SLC48A1: variants seen among roughly 807,000 people sequenced by gnomAD.
SLC48A1 encodes the protein heme transporter HRG1.
Under a neutral mutation model 14.8 loss-of-function variants are expected in SLC48A1, and 6 were observed. That is an observed-to-expected ratio of 0.41 (90% CI 0.22 to 0.80). SLC48A1 has a LOEUF of 0.80. Among genes scored for constraint, SLC48A1 ranks in the 30% least tolerant of loss-of-function variants. SLC48A1 has a pLI of 0.34. For missense variants in SLC48A1, 165 were observed against 204.8 expected (o/e 0.81, Z 1.19); for synonymous variants, 89 against 90.0 (o/e 0.99, Z 0.06).
chr12:47,779,029 G>T lies in SLC48A1; in HGVS notation c.138G>T (p.Gly46=). 6.4e-7 allele frequency: 1 copy of T among 1,551,526 alleles called. No individual in the cohort carries two copies. The highest frequency in any genetic ancestry group is 8.7e-7 in the Non-Finnish European group (1 of 1,146,896). The change falls in exon 2 of 3, where the codon GGG becomes GGT. Residue 46 remains glycine (G), a splice_region_variant and synonymous_variant. Coordinates refer to ENST00000442218, the MANE Select transcript of SLC48A1 (RefSeq NM_017842.3). ...PGTAAMGGLA[G]VLALWVLVTH... ...GGCCCTGATGTGTCTCTCCTGCAGG[G>T]GTGCTGGCACTGTGGGTCCTGGTGA...
upstream of SLC48A1, among the ~76,000 whole-genome samples, chr12:47,754,875 G>C (rs1406952885): frequency 6.6e-6 from 1 of 152,224 alleles, no homozygotes; most frequent in African/African-American, 2.4e-5. Flanking sequence ...CAGGGCGGAA[G>C]AGGAGGCACT....
At chr12:47,779,006 C>A in intron 1 of SLC48A1, 22 bp from the exon 2 acceptor site, 2 of 1,549,838 alleles carry the variant, frequency 1.3e-6, no homozygotes, top group African/African-American at 1.4e-5. Flanking sequence ...TGGGGATGGG[C>A]CCTGATGTGT....
rs547324213 is a variant in SLC48A1 at position 47,775,080 on chromosome 12, G to A, written c.136+1640G>A. 3.3e-5 allele frequency among the ~76,000 whole-genome samples: 5 copies of A among 152,172 alleles called. No homozygotes were observed. In the South Asian group the frequency reaches 6.2e-4, roughly 19 times the overall value. On this transcript the variant is annotated intron_variant, in intron 1 of 2. Transcript: ENST00000442218. The stretch of plus-strand genomic sequence containing the variant: ...AAGTGGAGGTGAACCCTACCTGGCC[G>A]TTTGACCCTATCCTGGGCCACAGTT...
chr12:47,758,183 T>C, upstream of SLC48A1: 1 of 1,459,380 alleles, frequency 6.9e-7, no homozygotes, highest in Non-Finnish European at 9.0e-7. Context: ...TCCTCTGGAC[T>C]GGTCAGGCGG....
intron 1 of SLC48A1, among the ~76,000 whole-genome samples, chr12:47,775,893 G>A (rs543613216): frequency 6.6e-6 from 1 of 152,322 alleles, no homozygotes; most frequent in South Asian, 2.1e-4. Context: ...GGCTTTCCTG[G>A]GGAGGCGGGC....
At chr12:47,779,941 C>G (rs993546114) in intron 2 of SLC48A1, among the ~76,000 whole-genome samples, 1 of 152,234 alleles carries the variant, frequency 6.6e-6, no homozygotes, top group Non-Finnish European at 1.5e-5. Context: ...GAAAAATTGT[C>G]TTCCACAAAA....
In SLC48A1 at chr12:47,765,332, C is replaced by A. The variant is rs1942494175; in HGVS notation, c.-187+4931C>A. 3.9e-5 allele frequency among the ~76,000 whole-genome samples: 6 copies of A among 152,294 alleles called. No individual in the cohort carries two copies. The South Asian group carries it at 1.2e-3, about 32-fold the overall frequency. On this transcript the variant is annotated intron_variant, in intron 2 of 4. Transcript: ENST00000547002. Reference sequence around the variant, plus strand: ...TCTGCCTGAGAGAGGGCACAGGCCCCCCTCAGGCCTTGCGGGGGATAGAGA... The same window carrying A: ...TCTGCCTGAGAGAGGGCACAGGCCCACCTCAGGCCTTGCGGGGGATAGAGA...
At position 47,780,625 on chromosome 12, in the gene SLC48A1, A is replaced by G. The variant is rs1413225370; in HGVS notation, c.*344A>G. 4.8e-6 allele frequency: 2 copies of G among 414,262 alleles called. No homozygotes were observed. Among genetic ancestry groups the G allele is most frequent in the African/African-American group, 5.0e-5 (2 of 40,376 alleles). The allele number at this position is 414,262 out of a possible 1,614,324, so 25.7% of individuals were successfully genotyped here. ...TCTGTCACCCAGGCTGGAGTGCAGT[A>G]GTGCGATCTCAGCTCACTGCAACCT... On this transcript the variant is annotated 3_prime_UTR_variant, in exon 3 of 3. Coordinates refer to ENST00000442218, the MANE Select transcript of SLC48A1 (RefSeq NM_017842.3).
Position 47,779,071 on chromosome 12 carries a change from G to T in SLC48A1, c.180G>T (p.Met60Ile). The T allele has an allele frequency of 6.4e-7, 1 of 1,551,826 alleles. No homozygotes were observed. Among genetic ancestry groups the T allele is most frequent in the Non-Finnish European group, 8.7e-7 (1 of 1,147,032 alleles). ...LWVLVTHVMY[M>I]QDYWRTWLKG... ...TCCTGGTGACGCACGTGATGTACATGCAAGATTATTGGAGGACCTGGCTCA... is the reference window on the plus strand; with the variant it reads ...TCCTGGTGACGCACGTGATGTACATTCAAGATTATTGGAGGACCTGGCTCA... Residue 60 changes from methionine to isoleucine, a missense_variant, in exon 2 of 3, where the codon ATG becomes ATT. By Grantham distance (10) the Met-to-Ile change is conservative. Transcript: ENST00000442218.
chr12:47,757,767 A>C, upstream of SLC48A1: 1 of 1,211,464 alleles, frequency 8.3e-7, no homozygotes, highest in Non-Finnish European at 1.1e-6. Flanking sequence ...GTACACCCCC[A>C]GAGCAAGCTG....
intron 1 of SLC48A1, chr12:47,758,733 G>C (rs1942256143): frequency 1.5e-6 from 2 of 1,340,772 alleles, no homozygotes; most frequent in Admixed American, 3.2e-5. Context: ...TGCAGGGCTC[G>C]GTGGAGAGGC....
At chr12:47,756,288 C>G (rs1942046680), upstream of SLC48A1, 1 of 152,166 alleles carries the variant, frequency 6.6e-6, no homozygotes, top group Non-Finnish European at 1.5e-5. Flanking sequence ...CTGACCTTCT[C>G]CCTACCCCCT....
chr12:47,778,867 T>G (rs1270785109), intron 1 of SLC48A1, 161 bp from the exon 2 acceptor site: 3 of 783,332 alleles, frequency 3.8e-6, no homozygotes, highest in Non-Finnish European at 5.7e-6. Flanking sequence ...GTCTCTTACC[T>G]GCTTCTGATA....
chr12:47,758,603 G>A (rs1362815485), exon 1 of SLC48A1: 3 of 1,611,154 alleles, frequency 1.9e-6, no homozygotes, highest in South Asian at 1.1e-5. Context: ...GCAAAAGGCT[G>A]GGGGGTCCCC....
chr12:47,780,470 G>A lies in SLC48A1; in HGVS notation c.*189G>A, dbSNP rs1004362410. 4.5e-6 allele frequency: 4 copies of A among 886,260 alleles called. No homozygotes were observed. Among genetic ancestry groups the A allele is most frequent in the Non-Finnish European group, 7.7e-6 (4 of 516,700 alleles). The allele number at this position is 886,260 out of a possible 1,614,324, so 54.9% of individuals were successfully genotyped here. Reference sequence around the variant, plus strand: ...CTTTCGAGGAAACCTGAGTGTGGTAGAGAGGGGATCCTGCCATGTTGCTCC... The same window carrying A: ...CTTTCGAGGAAACCTGAGTGTGGTAAAGAGGGGATCCTGCCATGTTGCTCC... On this transcript the variant is annotated 3_prime_UTR_variant, in exon 3 of 3. Transcript: ENST00000442218.
chr12:47,761,750 C>T (rs1047814801), intron 2 of SLC48A1, among the ~76,000 whole-genome samples: 1 of 152,192 alleles, frequency 6.6e-6, no homozygotes, highest in Non-Finnish European at 1.5e-5. Context: ...TGTGTTAAGA[C>T]AGATAAATAA....
At chr12:47,758,907 C>T in intron 1 of SLC48A1, 1 of 1,090,634 alleles carries the variant, frequency 9.2e-7, no homozygotes, top group Non-Finnish European at 1.1e-6. Flanking sequence ...GGAGCTGTCA[C>T]ACCCCCTGCG....
chr12:47,761,266 G>T (rs908519278), intron 2 of SLC48A1, among the ~76,000 whole-genome samples: 9 of 151,400 alleles, frequency 5.9e-5, no homozygotes, highest in African/African-American at 2.2e-4. Context: ...GCCTCAGGGA[G>T]CCAAGGATCA....
upstream of SLC48A1, among the ~76,000 whole-genome samples, chr12:47,770,137 T>G (rs1942599480): frequency 6.6e-6 from 1 of 152,252 alleles, no homozygotes; most frequent in Non-Finnish European, 1.5e-5. Flanking sequence ...CTGCAATAGC[T>G]CTTCATTGTT....
Sources: gnomAD v4.1 joint callset for allele counts (sites outside exome capture counted in the v4.1 genomes callset) on GRCh38, gnomAD v4.1.1 for gene constraint, MANE v1.5 for transcripts, NCBI Gene and HGNC (gene_info 2026-07-23, HGNC 2026-07-21) for gene names.